The following ASAP1 variants were observed in gnomAD, a reference collection of about 807,000 sequenced individuals.
ASAP1 encodes the protein arf-GAP with SH3 domain, ANK repeat and PH domain-containing protein 1.
In ASAP1, 43 loss-of-function variants were observed where a neutral mutation model predicts 145.2. That is an observed-to-expected ratio of 0.30 (90% CI 0.23 to 0.38). The LOEUF is 0.38. Ranked by LOEUF, ASAP1 falls within the 10% of genes least tolerant of loss-of-function variation. The pLI, the probability that ASAP1 is intolerant of heterozygous loss-of-function variation, is 1.00. For missense variants in ASAP1, 1,018 were observed against 1,355.3 expected (o/e 0.75, Z 3.91); for synonymous variants, 546 against 515.5 (o/e 1.06, Z -0.80).
chr8:130,126,812 T>C (rs1456528638), intron 16 of ASAP1, among the ~76,000 whole-genome samples: 2 of 152,202 alleles, frequency 1.3e-5, no homozygotes, highest in Non-Finnish European at 2.9e-5. Context: ...GCTTCTTGTG[T>C]AGAAAATCCA....
intron 2 of ASAP1, chr8:130,361,303 C>T: frequency 3.2e-6 from 1 of 312,114 alleles, no homozygotes; most frequent in Admixed American, 4.6e-5. Flanking sequence ...GGCCTTAGTG[C>T]TATCCTTTGT....
At chr8:130,159,990 A>G (rs568002222) in intron 11 of ASAP1, 26 bp from the exon 12 acceptor site, 2 of 1,579,380 alleles carry the variant, frequency 1.3e-6, no homozygotes, top group African/African-American at 2.7e-5. Flanking sequence ...TACAGATTAA[A>G]CAAAAACTAG....
chr8:130,376,465 C>T (rs1021460716), intron 2 of ASAP1, among the ~76,000 whole-genome samples: 14 of 152,156 alleles, frequency 9.2e-5, no homozygotes, highest in Non-Finnish European at 1.6e-4. Flanking sequence ...CGGTGGCTCA[C>T]GCCTGTAATC....
chr8:130,441,099 G>T (rs913126500), intron 1 of ASAP1, among the ~76,000 whole-genome samples: 3 of 152,216 alleles, frequency 2.0e-5, no homozygotes, highest in African/African-American at 7.2e-5. Context: ...AATTAAAAGA[G>T]AAAGTGTGAG....
At chr8:130,071,914 A>T (rs1179042718) in intron 27 of ASAP1, among the ~76,000 whole-genome samples, 2 of 152,210 alleles carry the variant, frequency 1.3e-5, no homozygotes, top group African/African-American at 4.8e-5. Flanking sequence ...GATATGTATT[A>T]GTTTTCGTCC....
intron 4 of ASAP1, among the ~76,000 whole-genome samples, chr8:130,221,434 A>G (rs1021846969): frequency 4.6e-5 from 7 of 152,152 alleles, no homozygotes; most frequent in African/African-American, 1.7e-4. Context: ...CAGTACCAAG[A>G]TGAGTCTGCA....
chr8:130,274,139 TCTCATACTAATGTATAC>T (rs1820741593), intron 3 of ASAP1, among the ~76,000 whole-genome samples: 1 of 152,230 alleles, frequency 6.6e-6, no homozygotes, highest in African/African-American at 2.4e-5. Flanking sequence ...TTTTCATTCT[TCTCATACTAATGTATAC>T]CTCCCTGCCT....
intron 5 of ASAP1, among the ~76,000 whole-genome samples, chr8:130,213,723 A>G (rs141099231): frequency 6.6e-6 from 1 of 152,346 alleles, no homozygotes; most frequent in African/African-American, 2.4e-5. Context: ...CTGGGGACTT[A>G]GGAGGATTAA....
At chr8:130,077,537 C>CCTTT (rs2097465815) in intron 26 of ASAP1, among the ~76,000 whole-genome samples, 1 of 62,030 alleles carries the variant, frequency 1.6e-5, no homozygotes, top group Non-Finnish European at 2.8e-5. Context: ...GCTGCTGCTG[C>CCTTT]TTTTTTTTTT....
chr8:130,359,497 T>C lies in ASAP1; in HGVS notation c.60-1354A>G, dbSNP rs935485148. Among the ~76,000 whole-genome samples, 7 of 152,238 alleles carry C rather than the reference T, an allele frequency of 4.6e-5. No individual in the cohort carries two copies. In the East Asian group the frequency reaches 1.2e-3, roughly 25 times the overall value. Reference sequence around the variant, plus strand: ...GGAAGGGCCACAGGATTGGTACCTGTAATTCAAGCCAGGAGAGCCTTTGAT... The same window carrying C: ...GGAAGGGCCACAGGATTGGTACCTGCAATTCAAGCCAGGAGAGCCTTTGAT... On this transcript the variant is annotated intron_variant, in intron 2 of 29. Coordinates refer to ENST00000518721, the MANE Select transcript of ASAP1 (RefSeq NM_018482.4).
intron 28 of ASAP1, among the ~76,000 whole-genome samples, chr8:130,060,374 C>A (rs750388360): frequency 2.7e-4 from 41 of 152,136 alleles, no homozygotes; most frequent in Non-Finnish European, 4.4e-4. Flanking sequence ...GCACTGAAGC[C>A]AGGTCTTGAA....
chr8:130,253,220 T>G (rs1819309627), intron 3 of ASAP1, among the ~76,000 whole-genome samples: 1 of 152,178 alleles, frequency 6.6e-6, no homozygotes, highest in African/African-American at 2.4e-5. Context: ...CTCCACTACT[T>G]ACATGACCTG....
intron 2 of ASAP1, among the ~76,000 whole-genome samples, chr8:130,396,522 A>G (rs1828537995): frequency 6.6e-6 from 1 of 152,244 alleles, no homozygotes; most frequent in Non-Finnish European, 1.5e-5. Context: ...AGACTCAATT[A>G]TTTTGAAAGG....
In ASAP1 at chr8:130,441,380, T is replaced by C. The variant is rs1434086979; in HGVS notation, c.-28+2080A>G. 2.6e-5 allele frequency among the ~76,000 whole-genome samples: 4 copies of C among 152,194 alleles called. No individual in the cohort carries two copies. The East Asian group carries it at 5.8e-4, about 22-fold the overall frequency. On this transcript the variant is annotated intron_variant, in intron 1 of 29. Transcript: ENST00000518721. ...TTAATAAATGGGGTGACTGTTACTATTGCTCACGTGGGGATCACTCATGCA... is the reference window on the plus strand; with the variant it reads ...TTAATAAATGGGGTGACTGTTACTACTGCTCACGTGGGGATCACTCATGCA...
At chr8:130,312,603 C>T (rs1823425940) in intron 3 of ASAP1, among the ~76,000 whole-genome samples, 1 of 152,114 alleles carries the variant, frequency 6.6e-6, no homozygotes, top group Non-Finnish European at 1.5e-5. Flanking sequence ...TCTCACTGAA[C>T]CAACCATTAC....
At chr8:130,395,417 G>A (rs1828480970) in intron 2 of ASAP1, among the ~76,000 whole-genome samples, 1 of 152,210 alleles carries the variant, frequency 6.6e-6, no homozygotes, top group African/African-American at 2.4e-5. Flanking sequence ...CATGGGAGAA[G>A]GGCAGTCCCG....
chr8:130,247,565 T>C (rs913569759), intron 3 of ASAP1, among the ~76,000 whole-genome samples: 1 of 151,916 alleles, frequency 6.6e-6, no homozygotes, highest in African/African-American at 2.4e-5. Flanking sequence ...ATCAGGCCAC[T>C]AGACAATCAG....
chr8:130,088,392 G>C (rs2097498384), intron 25 of ASAP1, among the ~76,000 whole-genome samples: 1 of 152,050 alleles, frequency 6.6e-6, no homozygotes, highest in African/African-American at 2.4e-5. Flanking sequence ...GGCCTCCCGA[G>C]ACAAGATTAT....
chr8:130,290,836 G>A (rs1250806236), intron 3 of ASAP1, among the ~76,000 whole-genome samples: 2 of 152,156 alleles, frequency 1.3e-5, no homozygotes, highest in African/African-American at 4.8e-5. Context: ...GTATCACACA[G>A]ACTTTCCCCT....
Sources: allele counts gnomAD v4.1 joint callset (sites outside exome capture counted in the v4.1 genomes callset), GRCh38; gene constraint gnomAD v4.1.1; transcripts MANE v1.5; gene names NCBI Gene and HGNC (gene_info 2026-07-23, HGNC 2026-07-21).